Variants in DMD observed in about 807,000 individuals in gnomAD.
DMD encodes dystrophin.
In DMD, 63 loss-of-function variants were observed where a neutral mutation model predicts 330.1. The ratio of observed to expected loss-of-function variants is 0.19; its 90% CI spans 0.16 to 0.24. DMD has a LOEUF of 0.24. Among genes scored for constraint, DMD ranks in the 10% least tolerant of loss-of-function variants. The probability of loss-of-function intolerance (pLI) is 1.00; values close to 1 mark genes in which losing one functional copy is unlikely to be tolerated. For synonymous variants in DMD, 1,223 were observed against 959.8 expected (o/e 1.27, Z -5.07); for missense variants, 3,344 against 2,684.1 (o/e 1.25, Z -5.43).
intron 2 of DMD, among the ~76,000 whole-genome samples, chrX:32,887,346 C>CAAAA (rs199616246): frequency 9.5e-6 from 1 of 104,796 alleles, no homozygotes; most frequent in African/African-American, 3.6e-5. Flanking sequence ...GAATCCATCT[C>CAAAA]AAAAAAAATA....
At chrX:32,729,665 T>A (rs1329690761) in intron 7 of DMD, among the ~76,000 whole-genome samples, 2 of 112,065 alleles carry the variant, frequency 1.8e-5, no homozygotes, top group African/African-American at 6.5e-5. Flanking sequence ...TTTAATAGAG[T>A]ATCATAGATG....
intron 54 of DMD, among the ~76,000 whole-genome samples, chrX:31,633,271 G>A (rs1291182048): frequency 1.8e-5 from 2 of 111,661 alleles, no homozygotes; most frequent in African/African-American, 3.2e-5. Context: ...CACTTCATAA[G>A]ATATTTTCCA....
chrX:31,823,246 A>G (rs2092814111), intron 49 of DMD, among the ~76,000 whole-genome samples: 1 of 112,393 alleles, frequency 8.9e-6, no homozygotes, highest in Admixed American at 9.4e-5. Context: ...CAGGATTTTG[A>G]GCATTATTCC....
At chrX:31,962,669 T>C (rs562124923) in intron 45 of DMD, among the ~76,000 whole-genome samples, 1 of 111,737 alleles carries the variant, frequency 8.9e-6, no homozygotes, top group Non-Finnish European at 1.9e-5. Context: ...AAAAATGAGG[T>C]CTCTCAATTT....
intron 48 of DMD, among the ~76,000 whole-genome samples, chrX:31,837,981 T>A (rs180998629): frequency 8.9e-6 from 1 of 112,454 alleles, no homozygotes; most frequent in East Asian, 2.8e-4. Context: ...CAAATTTCAC[T>A]TCCTTTATAA....
intron 72 of DMD, among the ~76,000 whole-genome samples, chrX:31,172,746 T>C (rs1442264600): frequency 8.9e-6 from 1 of 111,773 alleles, no homozygotes; most frequent in Non-Finnish European, 1.9e-5. Flanking sequence ...TACCTTACAC[T>C]ACCCCTTGTC....
chrX:31,602,031 G>A lies in DMD; in HGVS notation c.8217+25642C>T, dbSNP rs948994340. Among the ~76,000 whole-genome samples, 2 of 111,579 alleles carry A rather than the reference G, an allele frequency of 1.8e-5. No homozygotes were observed. Among genetic ancestry groups the A allele is most frequent in the Admixed American group, 1.9e-4 (2 of 10,516 alleles). On this transcript the variant is annotated intron_variant, in intron 55 of 78. Transcript: ENST00000357033. ...ATAAAAGGTCCTATACTATTTTATA[G>A]AAATGGCTTCTGTTGCCTTAGATGA...
At chrX:33,256,654 A>C in intron 1 of DMD, among the ~76,000 whole-genome samples, 1 of 110,561 alleles carries the variant, frequency 9.0e-6, no homozygotes, top group Non-Finnish European at 1.9e-5. Flanking sequence ...TTAATTTTAT[A>C]TTTCAGATAT....
chrX:32,968,360 G>A (rs1020487233), intron 2 of DMD, among the ~76,000 whole-genome samples: 4 of 111,052 alleles, frequency 3.6e-5, no homozygotes, highest in Non-Finnish European at 7.5e-5. Flanking sequence ...TAAAGGAGAA[G>A]AGATAGTTCT....
At chrX:32,247,198 C>T (rs1400942609) in intron 43 of DMD, among the ~76,000 whole-genome samples, 1 of 111,719 alleles carries the variant, frequency 9.0e-6, no homozygotes, top group Non-Finnish European at 1.9e-5. Flanking sequence ...CTGTCACCAC[C>T]TTGAGCAATT....
At chrX:32,866,372 A>G (rs1212872934) in intron 2 of DMD, among the ~76,000 whole-genome samples, 1 of 112,336 alleles carries the variant, frequency 8.9e-6, no homozygotes, top group Non-Finnish European at 1.9e-5. Flanking sequence ...TTACACAGCA[A>G]TAGCTAATAT....
At chrX:31,266,192 A>C (rs2051080357) in intron 62 of DMD, among the ~76,000 whole-genome samples, 1 of 102,768 alleles carries the variant, frequency 9.7e-6, no homozygotes, top group African/African-American at 3.8e-5. Flanking sequence ...AAGCCCAAAC[A>C]AACAAAAATC....
At chrX:32,932,953 T>A (rs1297837558) in intron 2 of DMD, among the ~76,000 whole-genome samples, 1 of 111,717 alleles carries the variant, frequency 9.0e-6, no homozygotes, top group Admixed American at 9.6e-5. Context: ...TTTTCAGATG[T>A]AGCCTCCTGA....
intron 64 of DMD, among the ~76,000 whole-genome samples, chrX:31,216,987 T>C (rs780869958): frequency 1.8e-5 from 2 of 111,613 alleles, no homozygotes; most frequent in Admixed American, 9.5e-5. Flanking sequence ...TTTAGCCCTA[T>C]GGTTTGGGCT....
intron 42 of DMD, among the ~76,000 whole-genome samples, chrX:32,306,258 G>A (rs779708305): frequency 5.3e-4 from 59 of 110,631 alleles, no homozygotes; most frequent in African/African-American, 1.8e-3. Context: ...TGGAATATAC[G>A]AATCCACATT....
rs185269090 is a variant in DMD at position 32,904,659 on chromosome X, C to T, written c.94-54839G>A. ...GCGGATCTCTGCTCACTGCAACCTCCGCCTCCCGGGCTCAAGCAATTCTCC... is the reference window on the plus strand; with the variant it reads ...GCGGATCTCTGCTCACTGCAACCTCTGCCTCCCGGGCTCAAGCAATTCTCC... On this transcript the variant is annotated intron_variant, in intron 2 of 78. Coordinates refer to ENST00000357033, the MANE Select transcript of DMD (RefSeq NM_004006.3). 4.9e-3 allele frequency among the ~76,000 whole-genome samples: 549 copies of T among 112,147 alleles called. 1 individual carries two copies. The highest frequency in any genetic ancestry group is 0.023 in the Middle Eastern group (5 of 216).
At chrX:31,959,717 A>T (rs2095281813) in intron 45 of DMD, among the ~76,000 whole-genome samples, 1 of 108,821 alleles carries the variant, frequency 9.2e-6, no homozygotes, top group Admixed American at 9.9e-5. Context: ...TCTATCCCTC[A>T]TACCCAATCT....
At chrX:32,730,499 G>C (rs1052872285) in intron 7 of DMD, among the ~76,000 whole-genome samples, 11 of 112,297 alleles carry the variant, frequency 9.8e-5, no homozygotes, top group African/African-American at 2.9e-4. Context: ...AGTAGACTTA[G>C]AGAGCCATAG....
At chrX:32,501,987 T>C in intron 18 of DMD, 145 bp from the exon 19 acceptor site, 1 of 472,685 alleles carries the variant, frequency 2.1e-6, no homozygotes. Context: ...TTCTCAACAC[T>C]TTTGCCATCA....
Sources: gnomAD v4.1 joint callset for allele counts (sites outside exome capture counted in the v4.1 genomes callset) on GRCh38, gnomAD v4.1.1 for gene constraint, MANE v1.5 for transcripts, NCBI Gene and HGNC (gene_info 2026-07-23, HGNC 2026-07-21) for gene names.